The following GOLGB1 variants were observed in gnomAD, a reference collection of about 807,000 sequenced individuals.
The protein encoded by GOLGB1 is golgin B1.
Under a neutral mutation model 336.9 loss-of-function variants are expected in GOLGB1, and 174 were observed. That is an observed-to-expected ratio of 0.52 (90% CI 0.46 to 0.59). GOLGB1 has a LOEUF of 0.59. Among genes scored for constraint, GOLGB1 ranks in the 20% least tolerant of loss-of-function variants. The pLI is 0.00. For missense variants in GOLGB1, 3,331 were observed against 3,645.3 expected, an observed-to-expected ratio of 0.91 and a Z score of 2.22; for synonymous variants, 1,208 against 1,289.2, an observed-to-expected ratio of 0.94 and a Z score of 1.35.
At chr3:121,748,313 A>T (rs1364087267) in intron 1 of GOLGB1, among the ~76,000 whole-genome samples, 1 of 152,230 alleles carries the variant, frequency 6.6e-6, no homozygotes, top group East Asian at 1.9e-4. Flanking sequence ...ACATATTTAC[A>T]GTGGTAGTCA....
At chr3:121,686,041 G>A (rs956100497) in intron 14 of GOLGB1, among the ~76,000 whole-genome samples, 4 of 152,094 alleles carry the variant, frequency 2.6e-5, no homozygotes, top group African/African-American at 7.2e-5. Context: ...TGAACTGGAC[G>A]TAATTCTTTT....
At chr3:121,727,320 A>ATTTTTT (rs869189384) in intron 4 of GOLGB1, among the ~76,000 whole-genome samples, 11 of 28,636 alleles carry the variant, frequency 3.8e-4, no homozygotes, top group South Asian at 1.4e-3. Context: ...ATATATATAT[A>ATTTTTT]TTTTTTTTTT....
At chr3:121,689,172 G>A (rs573882326) in intron 14 of GOLGB1, among the ~76,000 whole-genome samples, 9 of 152,330 alleles carry the variant, frequency 5.9e-5, no homozygotes, top group African/African-American at 1.7e-4. Flanking sequence ...CATTGAGAAC[G>A]GGCCATGATG....
intron 10 of GOLGB1, among the ~76,000 whole-genome samples, chr3:121,709,416 CTG>C (rs1944160796): frequency 6.6e-6 from 1 of 152,122 alleles, no homozygotes; most frequent in East Asian, 1.9e-4. Flanking sequence ...ACACCATATG[CTG>C]TGTCATAAAA....
chr3:121,710,823 C>T (rs1195411622), intron 10 of GOLGB1, among the ~76,000 whole-genome samples: 1 of 151,750 alleles, frequency 6.6e-6, no homozygotes, highest in Non-Finnish European at 1.5e-5. Flanking sequence ...CACCACTACA[C>T]CCCAGCCTGG....
rs528762638 is a variant in GOLGB1 at position 121,665,513 on chromosome 3, G to C, written c.9555-482C>G. ...TTTTATTAAAGGCTAATAGGCAAAAGCATCCAAAGAAGATTTCTGTGGGGT... is the reference window on the plus strand; with the variant it reads ...TTTTATTAAAGGCTAATAGGCAAAACCATCCAAAGAAGATTTCTGTGGGGT... On this transcript the variant is annotated intron_variant, in intron 20 of 21. Coordinates refer to ENST00000614479, the MANE Select transcript of GOLGB1 (RefSeq NM_001366282.2). Among the ~76,000 whole-genome samples the C allele has an allele frequency of 1.9e-4, 29 of 152,290 alleles. No homozygotes were observed. The East Asian group carries it at 5.0e-3, about 26-fold the overall frequency.
intron 20 of GOLGB1, among the ~76,000 whole-genome samples, chr3:121,666,566 T>C (rs1938645678): frequency 6.6e-6 from 1 of 152,122 alleles, no homozygotes; most frequent in Non-Finnish European, 1.5e-5. Context: ...GAATAGGTGA[T>C]GAAAATTAAG....
Position 121,694,549 on chromosome 3 carries a change from G to T in GOLGB1, c.5974C>A (p.Arg1992=). 1 of 1,612,166 alleles carries T rather than the reference G, an allele frequency of 6.2e-7. No individual in the cohort carries two copies. Among genetic ancestry groups the T allele is most frequent in the Non-Finnish European group, 8.5e-7 (1 of 1,179,680 alleles). ...TGTATTTTCTCCAAATATTCCTTTC[G>T]TATTTCTGATTCCACCTTAGTTTTT... ...KEKTKVESEI[R]KEYLEKIQGA... is the part of the protein sequence containing the mutation. Residue 1992 remains arginine (R), a synonymous_variant, in exon 13 of 22, where the codon CGA becomes AGA. Transcript: ENST00000614479.
rs562607663 is a variant in GOLGB1 at position 121,668,344 on chromosome 3, T to C, written c.9322-186A>G. On this transcript the variant is annotated intron_variant, in intron 18 of 21. Coordinates refer to ENST00000614479, the MANE Select transcript of GOLGB1 (RefSeq NM_001366282.2). Reference sequence around the variant, plus strand: ...TAAAACTCTTGTCTTGATTAGATTTTTCTCCCAGATTCTCATTCTTGAATT... The same window carrying C: ...TAAAACTCTTGTCTTGATTAGATTTCTCTCCCAGATTCTCATTCTTGAATT... 1,516 of 424,520 alleles carry C rather than the reference T, an allele frequency of 3.6e-3. 3 individuals are homozygous for C. Among genetic ancestry groups the C allele is most frequent in the Non-Finnish European group, 4.2e-3 (1,001 of 239,876 alleles). 26.3% of individuals were successfully genotyped at this position (424,520 alleles called of 1,614,324 possible). A position where few individuals can be genotyped will look rare whatever the true frequency, so the allele number is the denominator to read the frequency against.
In GOLGB1 at chr3:121,717,157, G is replaced by A; in HGVS notation, c.886-18C>T. 6.4e-7 allele frequency: 1 copy of A among 1,573,228 alleles called. No homozygotes were observed. Among genetic ancestry groups the A allele is most frequent in the Non-Finnish European group, 8.6e-7 (1 of 1,159,332 alleles). On this transcript the variant is annotated intron_variant, in intron 8 of 21. Coordinates refer to ENST00000614479, the MANE Select transcript of GOLGB1 (RefSeq NM_001366282.2). ...GAGAGAATCTAAGAAAAAAGACAAA[G>A]TCTCATGAGCCATAAATACATTATT...
chr3:121,709,993 T>C (rs563286447), intron 10 of GOLGB1, among the ~76,000 whole-genome samples: 10 of 150,304 alleles, frequency 6.7e-5, no homozygotes, highest in Non-Finnish European at 1.3e-4. Flanking sequence ...AAAGTAAACA[T>C]TGTAACCAAC....
At position 121,749,681 on chromosome 3, in the gene GOLGB1, C is replaced by T. The variant is rs992919521; in HGVS notation, c.-52G>A. On this transcript the variant is annotated 5_prime_UTR_variant, in exon 1 of 22. Transcript: ENST00000614479. The stretch of plus-strand genomic sequence containing the variant: ...CCAGCTGCCCCCCTCCCAATTCAAG[C>T]CACGTCAGCTCGGGAAGCCCGTACG... 6.5e-6 allele frequency: 1 copy of T among 152,752 alleles called. No homozygotes were observed. Among genetic ancestry groups the T allele is most frequent in the African/African-American group, 2.4e-5 (1 of 41,592 alleles). 9.5% of individuals were successfully genotyped at this position (152,752 alleles called of 1,614,324 possible). A position where few individuals can be genotyped will look rare whatever the true frequency, so the allele number is the denominator to read the frequency against.
rs1372401218 is a variant in GOLGB1, at chr3:121,681,779, CT to C, written c.8780del (p.Gln2927ArgfsTer45). 6.2e-7 allele frequency: 1 copy of C among 1,608,514 alleles called. No homozygotes were observed. On this transcript the variant is annotated frameshift_variant, in exon 15 of 22. Coordinates refer to ENST00000614479, the MANE Select transcript of GOLGB1 (RefSeq NM_001366282.2). LOFTEE classifies it high-confidence loss of function. ...ATGCTTTTGTCTTATCTTGATACTC[CT>C]GAAGTTGAGCCTTCAGTGGATGTAA... ...TELHPLKAQL[Q>X]EYQDKTKAFQ... is the part of the protein sequence containing the mutation.
chr3:121,716,097 A>T (rs1944751241), intron 9 of GOLGB1, among the ~76,000 whole-genome samples: 1 of 152,214 alleles, frequency 6.6e-6, no homozygotes, highest in Admixed American at 6.5e-5. Context: ...GTCTATGTCA[A>T]TATATTAGTA....
chr3:121,680,014 C>T (rs1940885980), intron 15 of GOLGB1, among the ~76,000 whole-genome samples: 1 of 152,192 alleles, frequency 6.6e-6, no homozygotes, highest in African/African-American at 2.4e-5. Flanking sequence ...AGCGGATAGC[C>T]TGGACTTTTA....
At chr3:121,724,766 C>T (rs1945451961) in intron 5 of GOLGB1, among the ~76,000 whole-genome samples, 1 of 152,128 alleles carries the variant, frequency 6.6e-6, no homozygotes. Flanking sequence ...TTTAAGGCTG[C>T]CCCAACAGCC....
intron 17 of GOLGB1, among the ~76,000 whole-genome samples, chr3:121,674,825 C>CTTTTTTTTTTTTTTTTTTT (rs891603400): frequency 1.7e-5 from 2 of 121,040 alleles, no homozygotes; most frequent in Non-Finnish European, 3.4e-5. Flanking sequence ...AGGTGCCTTT[C>CTTTTTTTTTTTTTTTTTTT]TTTTTTTTTT....
intron 20 of GOLGB1, among the ~76,000 whole-genome samples, chr3:121,667,066 T>C (rs1938728689): frequency 6.6e-6 from 1 of 152,204 alleles, no homozygotes; most frequent in Non-Finnish European, 1.5e-5. Context: ...GCTACATTCT[T>C]TTAACATCAT....
chr3:121,727,814 G>A (rs924937524), intron 4 of GOLGB1, among the ~76,000 whole-genome samples: 4 of 152,092 alleles, frequency 2.6e-5, no homozygotes, highest in African/African-American at 9.7e-5. Flanking sequence ...AGTCAGTCAA[G>A]CACCTGAGGA....
Sources: gnomAD v4.1 joint callset for allele counts (sites outside exome capture counted in the v4.1 genomes callset) on GRCh38, gnomAD v4.1.1 for gene constraint, MANE v1.5 for transcripts, NCBI Gene and HGNC (gene_info 2026-07-23, HGNC 2026-07-21) for gene names.